SMC2: variants seen among roughly 807,000 people sequenced by gnomAD.
SMC2 encodes the protein structural maintenance of chromosomes protein 2.
SMC2 carries 41 observed loss-of-function variants against 142.6 expected under a neutral mutation model. The ratio of observed to expected loss-of-function variants is 0.29; its 90% CI spans 0.22 to 0.37. SMC2 has a LOEUF of 0.37. Ranked by LOEUF, SMC2 falls within the 10% of genes least tolerant of loss-of-function variation. The pLI is 1.00. For synonymous variants in SMC2, 463 were observed against 457.5 expected (o/e 1.01, Z -0.15); for missense variants, 1,265 against 1,373.7 (o/e 0.92, Z 1.25).
chr9:104,131,650 C>CTT (rs34656812), intron 21 of SMC2, among the ~76,000 whole-genome samples: 14,895 of 132,306 alleles, frequency 0.11, 1,008 homozygotes, highest in East Asian at 0.18. Flanking sequence ...ATATGTAACA[C>CTT]TTTTTTTTTT....
At chr9:104,120,474 C>G (rs565517928) in intron 16 of SMC2, among the ~76,000 whole-genome samples, 1 of 152,342 alleles carries the variant, frequency 6.6e-6, no homozygotes, top group South Asian at 2.1e-4. Flanking sequence ...CCCTTCGACA[C>G]TCTGGCGTCT....
intron 9 of SMC2, among the ~76,000 whole-genome samples, chr9:104,105,436 T>G (rs934197528): frequency 6.6e-6 from 1 of 152,072 alleles, no homozygotes; most frequent in African/African-American, 2.4e-5. Context: ...TTTCCCCCAT[T>G]TTACTATTCA....
At chr9:104,093,908 T>G (rs1380081853), upstream of SMC2, among the ~76,000 whole-genome samples, 1 of 152,120 alleles carries the variant, frequency 6.6e-6, no homozygotes, top group African/African-American at 2.4e-5. Flanking sequence ...AGAACACTCA[T>G]AGAATGCCTC....
intron 7 of SMC2, among the ~76,000 whole-genome samples, chr9:104,100,853 C>G (rs1241700894): frequency 6.6e-6 from 1 of 152,188 alleles, no homozygotes; most frequent in Non-Finnish European, 1.5e-5. Flanking sequence ...GGTATTGAAA[C>G]AGAGGATTGG....
intron 15 of SMC2, 92 bp from the exon 16 acceptor site, chr9:104,119,935 C>A: frequency 8.5e-7 from 1 of 1,179,392 alleles, no homozygotes; most frequent in Non-Finnish European, 1.2e-6. Context: ...ACTATTGAAT[C>A]AATTTGAGTA....
rs2131559408 is a variant in SMC2, at chr9:104,134,600, T to TA, written c.3269+27dup. On this transcript the variant is annotated intron_variant, in intron 23 of 24. Transcript: ENST00000374793. ...GGTGAGGAATCACTTTGCTATATTATAATTTTCATTCCTCTTTATTATAAT... is the reference window on the plus strand; with the variant it reads ...GGTGAGGAATCACTTTGCTATATTATAAATTTTCATTCCTCTTTATTATAAT... 3 of 1,469,536 alleles carry TA rather than the reference T, an allele frequency of 2.0e-6. 1 individual carries two copies. The highest frequency in any genetic ancestry group is 1.5e-5 in the African/African-American group (1 of 67,676). The allele number at this position is 1,469,536 out of a possible 1,614,324, so 91.0% of individuals were successfully genotyped here.
intron 12 of SMC2, 29 bp downstream of exon 12, chr9:104,114,110 A>G: frequency 2.4e-6 from 3 of 1,275,572 alleles, no homozygotes; most frequent in Non-Finnish European, 2.2e-6. Flanking sequence ...GAATTTTAAC[A>G]TAGTAATAAT....
At chr9:104,131,336 C>G (rs1029448886) in intron 21 of SMC2, among the ~76,000 whole-genome samples, 1 of 152,038 alleles carries the variant, frequency 6.6e-6, no homozygotes, top group Non-Finnish European at 1.5e-5. Context: ...ACCATATGGC[C>G]AGAACCTGGG....
chr9:104,109,397 G>A (rs1304064683), intron 9 of SMC2, among the ~76,000 whole-genome samples: 1 of 152,130 alleles, frequency 6.6e-6, no homozygotes, highest in East Asian at 1.9e-4. Context: ...TCAGAATACA[G>A]CCACTTTTTG....
intron 20 of SMC2, 107 bp downstream of exon 20, chr9:104,127,587 A>G (rs530666403): frequency 8.4e-6 from 6 of 712,624 alleles, no homozygotes; most frequent in South Asian, 5.0e-5. Context: ...ATAAATGGCA[A>G]AATTACAGCC....
intron 14 of SMC2, 22 bp downstream of exon 14, chr9:104,116,341 TTA>T (rs753841618): frequency 6.3e-7 from 1 of 1,586,918 alleles, no homozygotes. Flanking sequence ...TTTGTCTTAT[TTA>T]TATGTTTAAT....
chr9:104,129,406 G>A (rs1363075033), intron 20 of SMC2, among the ~76,000 whole-genome samples: 2 of 151,752 alleles, frequency 1.3e-5, no homozygotes, highest in Non-Finnish European at 2.9e-5. Flanking sequence ...GGAGGCTGAG[G>A]CAGCAGAATC....
chr9:104,128,059 A>T (rs1834513860), intron 20 of SMC2, among the ~76,000 whole-genome samples: 1 of 152,218 alleles, frequency 6.6e-6, no homozygotes, highest in Admixed American at 6.5e-5. Context: ...TTTTGCAGAA[A>T]TTCATTGCTT....
intron 16 of SMC2, among the ~76,000 whole-genome samples, chr9:104,122,573 C>G (rs957934129): frequency 1.3e-5 from 2 of 150,866 alleles, no homozygotes; most frequent in African/African-American, 4.9e-5. Flanking sequence ...AAATACCTTT[C>G]AAAAGAAATG....
chr9:104,102,254 T>C (rs1394443681), intron 8 of SMC2, 61 bp downstream of exon 8: 8 of 1,099,196 alleles, frequency 7.3e-6, no homozygotes, highest in Non-Finnish European at 1.0e-5. Flanking sequence ...AAATTATATA[T>C]AGTAACTATT....
Position 104,097,158 on chromosome 9 carries a change from C to T in SMC2, c.318+861C>T, listed in dbSNP as rs1466571832. On this transcript the variant is annotated intron_variant, in intron 3 of 24. Coordinates refer to ENST00000374793, the MANE Select transcript of SMC2 (RefSeq NM_006444.3). Reference sequence around the variant, plus strand: ...TTTTTTTTTTCCTGAGACGGAGTCTCGCTCTGTTACCCAGGCTGGTCTCCA... The same window carrying T: ...TTTTTTTTTTCCTGAGACGGAGTCTTGCTCTGTTACCCAGGCTGGTCTCCA... Among the ~76,000 whole-genome samples the T allele has an allele frequency of 3.0e-5, 4 of 134,760 alleles. No individual in the cohort carries two copies. In the East Asian group the frequency reaches 6.7e-4, roughly 22 times the overall value. 88.4% of individuals were successfully genotyped at this position (134,760 alleles called of 152,430 possible).
chr9:104,137,906 A>G (rs955353621), intron 23 of SMC2, 112 bp from the exon 24 acceptor site: 3 of 595,938 alleles, frequency 5.0e-6, no homozygotes, highest in African/African-American at 4.0e-5. Flanking sequence ...TTATATGACT[A>G]CCTTTCAGAT....
At chr9:104,133,095 A>G (rs1835162135) in intron 22 of SMC2, among the ~76,000 whole-genome samples, 1 of 152,130 alleles carries the variant, frequency 6.6e-6, no homozygotes, top group Non-Finnish European at 1.5e-5. Context: ...TTGATTGACA[A>G]AGTGACAAAG....
At chr9:104,116,490 A>G (rs917629829) in intron 14 of SMC2, among the ~76,000 whole-genome samples, 171 bp downstream of exon 14, 1 of 152,168 alleles carries the variant, frequency 6.6e-6, no homozygotes, top group Non-Finnish European at 1.5e-5. Context: ...ATGTTGGAAG[A>G]CTTGAACTCC....
Sources: gnomAD v4.1 joint callset for allele counts (sites outside exome capture counted in the v4.1 genomes callset) on GRCh38, gnomAD v4.1.1 for gene constraint, MANE v1.5 for transcripts, NCBI Gene and HGNC (gene_info 2026-07-23, HGNC 2026-07-21) for gene names.